LCP1: variants seen among roughly 807,000 people sequenced by gnomAD.
The protein encoded by LCP1 is plastin-2.
In LCP1, 23 loss-of-function variants were observed where a neutral mutation model predicts 72.0. The observed-to-expected ratio is 0.32, with a 90% CI of 0.23 to 0.45. The LOEUF (loss-of-function observed/expected upper bound fraction) is 0.45. LCP1 is among the 20% of genes least tolerant of loss of function. LCP1 has a pLI of 1.00. For missense variants in LCP1, 571 were observed against 748.3 expected, an observed-to-expected ratio of 0.76 and a Z score of 2.76; for synonymous variants, 245 against 275.4, an observed-to-expected ratio of 0.89 and a Z score of 1.09.
chr13:46,143,351 G>A lies in LCP1; in HGVS notation c.1307C>T (p.Pro436Leu), dbSNP rs751257167. ...IFQLYEKIKV[P>L]VDWNRVNKPP... Reference sequence around the variant, plus strand: ...TTTGTTTACTCTGTTCCAGTCAACAGGAACTTTGATCTTTTCATAGAGCTG... The same window carrying A: ...TTTGTTTACTCTGTTCCAGTCAACAAGAACTTTGATCTTTTCATAGAGCTG... Residue 436 changes from proline (P) to leucine (L), a missense_variant, in exon 12 of 16, where the codon CCT becomes CTT. Transcript: ENST00000323076. 6.2e-7 allele frequency: 1 copy of A among 1,614,042 alleles called. No homozygotes were observed. Among genetic ancestry groups the A allele is most frequent in the Non-Finnish European group, 8.5e-7 (1 of 1,179,964 alleles).
chr13:46,163,045 T>G (rs1337570216), intron 1 of LCP1, among the ~76,000 whole-genome samples: 3 of 137,912 alleles, frequency 2.2e-5, no homozygotes. Context: ...AGCCGCCCCG[T>G]CCGGGAGGGA....
chr13:46,141,789 A>C (rs919193984), intron 13 of LCP1, among the ~76,000 whole-genome samples: 1 of 152,202 alleles, frequency 6.6e-6, no homozygotes, highest in Non-Finnish European at 1.5e-5. Flanking sequence ...TAGGAAGAGC[A>C]CTAGAAATAG....
chr13:46,156,611 ACT>A, intron 4 of LCP1, 41 bp from the exon 5 acceptor site: 1 of 1,612,066 alleles, frequency 6.2e-7, no homozygotes. Flanking sequence ...GCAAAGTGAA[ACT>A]CTATTATAAA....
intron 13 of LCP1, among the ~76,000 whole-genome samples, 163 bp downstream of exon 13, chr13:46,142,129 G>A (rs7981864): frequency 0.94 from 141,986 of 151,772 alleles, 66,415 homozygotes; most frequent in South Asian, 0.97. Context: ...AAACTGATAG[G>A]ACTGAAAAAA....
At chr13:46,161,461 T>C (rs536903952) in intron 1 of LCP1, among the ~76,000 whole-genome samples, 4 of 152,296 alleles carry the variant, frequency 2.6e-5, no homozygotes, top group Admixed American at 1.3e-4. Context: ...GGGTTAATTG[T>C]ATTAAAAATA....
At chr13:46,156,384 G>C in intron 5 of LCP1, 54 bp downstream of exon 5, 2 of 1,597,296 alleles carry the variant, frequency 1.3e-6, no homozygotes, top group Non-Finnish European at 1.7e-6. Context: ...ATTAATTGTT[G>C]ATGGTCTAGA....
intron 1 of LCP1, among the ~76,000 whole-genome samples, chr13:46,177,294 G>A (rs1199146237): frequency 1.3e-5 from 2 of 152,192 alleles, no homozygotes; most frequent in African/African-American, 4.8e-5. Flanking sequence ...ATCTATTCAT[G>A]TCTATCAGTC....
chr13:46,156,191 C>A (rs544638085), intron 5 of LCP1, among the ~76,000 whole-genome samples: 4 of 152,250 alleles, frequency 2.6e-5, no homozygotes, highest in African/African-American at 9.6e-5. Flanking sequence ...ATAACTATAT[C>A]TTCCATGTTT....
At chr13:46,148,878 A>C in intron 8 of LCP1, 1 of 515,826 alleles carries the variant, frequency 1.9e-6, no homozygotes, top group Non-Finnish European at 2.5e-6. Context: ...AAATACATTT[A>C]AATGGACAAT....
At chr13:46,130,679 A>G (rs529041561) in intron 15 of LCP1, 135 bp downstream of exon 15, 8 of 1,068,788 alleles carry the variant, frequency 7.5e-6, no homozygotes, top group Middle Eastern at 3.0e-4. Flanking sequence ...GAGACTGCAG[A>G]AAGTCATGAG....
At chr13:46,174,824 A>G (rs897603230) in intron 1 of LCP1, among the ~76,000 whole-genome samples, 4 of 142,710 alleles carry the variant, frequency 2.8e-5, no homozygotes, top group Non-Finnish European at 6.0e-5. Flanking sequence ...AAGAGCGAAA[A>G]CTCCATCTTC....
In LCP1 at chr13:46,151,127, GA is replaced by G. The variant is rs201700230; in HGVS notation, c.740-50del. The stretch of plus-strand genomic sequence containing the variant: ...AAAAATAAATGCAGCGATGTTGGGG[GA>G]GGGGGGTTGGTTATAACTTTCATTA... On this transcript the variant is annotated intron_variant, in intron 7 of 15. Transcript: ENST00000323076. 4.7e-3 allele frequency: 7,303 copies of G among 1,561,764 alleles called. 363 individuals are homozygous for G. The Admixed American group carries it at 0.13, about 27-fold the overall frequency.
intron 6 of LCP1, 199 bp from the exon 7 acceptor site, chr13:46,153,144 A>G (rs1441298547): frequency 2.0e-6 from 1 of 494,722 alleles, no homozygotes; most frequent in African/African-American, 2.0e-5. Flanking sequence ...CCGACCACTC[A>G]TGCAGTGGTC....
intron 1 of LCP1, among the ~76,000 whole-genome samples, chr13:46,163,291 A>T (rs981721157): frequency 3.9e-5 from 6 of 152,258 alleles, no homozygotes; most frequent in Non-Finnish European, 2.9e-5. Context: ...TTCTGTATTA[A>T]GAAAAATTCT....
chr13:46,152,198 T>C (rs567633920), intron 7 of LCP1, among the ~76,000 whole-genome samples: 1 of 152,088 alleles, frequency 6.6e-6, no homozygotes, highest in South Asian at 2.1e-4. Flanking sequence ...TCTCTATCTC[T>C]TTCTTTCTTT....
At chr13:46,141,206 G>C (rs915007851) in intron 13 of LCP1, among the ~76,000 whole-genome samples, 1 of 151,930 alleles carries the variant, frequency 6.6e-6, no homozygotes, top group Non-Finnish European at 1.5e-5. Flanking sequence ...AGGAGTTTGA[G>C]ACCAGCCTGT....
chr13:46,150,865 C>A, intron 8 of LCP1, 71 bp downstream of exon 8: 7 of 1,516,614 alleles, frequency 4.6e-6, no homozygotes, highest in Non-Finnish European at 5.4e-6. Flanking sequence ...AAATCTTTAT[C>A]TTTTCTTTAT....
intron 14 of LCP1, among the ~76,000 whole-genome samples, chr13:46,133,669 A>T (rs984150626): frequency 6.6e-6 from 1 of 151,778 alleles, no homozygotes; most frequent in African/African-American, 2.4e-5. Context: ...AAAAAATATT[A>T]AAAAATAAAT....
chr13:46,127,776 A>G, intron 15 of LCP1, 53 bp from the exon 16 acceptor site: 1 of 1,604,430 alleles, frequency 6.2e-7, no homozygotes, highest in South Asian at 1.1e-5. Context: ...CACAACACGA[A>G]TGGGACCCTG....
Sources: gnomAD v4.1 joint callset for allele counts (sites outside exome capture counted in the v4.1 genomes callset) on GRCh38, gnomAD v4.1.1 for gene constraint, MANE v1.5 for transcripts, NCBI Gene and HGNC (gene_info 2026-07-23, HGNC 2026-07-21) for gene names.